UBR4: variants seen among roughly 807,000 people sequenced by gnomAD.
The protein encoded by UBR4 is E3 ubiquitin-protein ligase UBR4.
Under a neutral mutation model 575.6 loss-of-function variants are expected in UBR4, and 124 were observed. The ratio of observed to expected loss-of-function variants is 0.22; its 90% CI spans 0.19 to 0.25. The LOEUF (loss-of-function observed/expected upper bound fraction) is 0.25. Ranked by LOEUF, UBR4 falls within the 10% of genes least tolerant of loss-of-function variation. The pLI, the probability that UBR4 is intolerant of heterozygous loss-of-function variation, is 1.00. For missense variants in UBR4, 4,818 were observed against 6,478.8 expected (o/e 0.74, Z 8.80); for synonymous variants, 2,455 against 2,473.7 (o/e 0.99, Z 0.22).
At chr1:19,202,086 A>C (rs896929693) in intron 1 of UBR4, among the ~76,000 whole-genome samples, 22 of 152,034 alleles carry the variant, frequency 1.4e-4, no homozygotes, top group African/African-American at 5.3e-4. Context: ...TCAGCTCCTC[A>C]GGAGGCTGAG....
chr1:19,087,719 C>G, intron 99 of UBR4, 97 bp downstream of exon 99: 4 of 953,034 alleles, frequency 4.2e-6, no homozygotes, highest in Non-Finnish European at 6.4e-6. Flanking sequence ...TTGATCTTGC[C>G]TAGCTAAGAA....
At chr1:19,164,192 G>C in intron 33 of UBR4, 61 bp downstream of exon 33, 1 of 1,544,660 alleles carries the variant, frequency 6.5e-7, no homozygotes, top group South Asian at 1.3e-5. Context: ...GAGCTATAAA[G>C]AAAGTAACCC....
chr1:19,077,517 T>G (rs2148414177), intron 104 of UBR4, among the ~76,000 whole-genome samples: 1 of 152,190 alleles, frequency 6.6e-6, no homozygotes, highest in East Asian at 1.9e-4. Context: ...GCGGATCACC[T>G]GAGGTCAGGA....
intron 11 of UBR4, among the ~76,000 whole-genome samples, chr1:19,188,455 G>A (rs533718780): frequency 2.0e-5 from 3 of 152,224 alleles, no homozygotes; most frequent in South Asian, 4.1e-4. Flanking sequence ...CCAACAGGCC[G>A]GGGCAGAAGG....
At chr1:19,081,924 C>A in intron 102 of UBR4, 2 of 598,692 alleles carry the variant, frequency 3.3e-6, no homozygotes, top group Non-Finnish European at 6.0e-6. Flanking sequence ...CTCCAGAGGC[C>A]CAGAAAAGTG....
intron 93 of UBR4, among the ~76,000 whole-genome samples, chr1:19,095,228 C>CCA (rs1396280550): frequency 1.3e-5 from 2 of 152,128 alleles, no homozygotes; most frequent in Non-Finnish European, 2.9e-5. Flanking sequence ...CTTTGCTGCC[C>CCA]CAAGGAGAGG....
At position 19,175,017 on chromosome 1, in the gene UBR4, G is replaced by A. The variant is rs2090068757; in HGVS notation, c.2790C>T (p.Pro930=). The A allele has an allele frequency of 2.5e-6, 4 of 1,613,734 alleles. No homozygotes were observed. Among genetic ancestry groups the A allele is most frequent in the Non-Finnish European group, 3.4e-6 (4 of 1,179,866 alleles). Residue 930 remains proline, a synonymous_variant, in exon 21 of 106, where the codon CCC becomes CCT. Coordinates refer to ENST00000375254, the MANE Select transcript of UBR4 (RefSeq NM_020765.3). ...CTGGGGACAGGACACAGTAGAATCT[G>A]GGGTGTGGGACAGCATCTGAAAAGT... ...KHFSSDAVPH[P]RFYCVLSPEA...
rs148170475 is a variant in UBR4, at chr1:19,117,637, T to C, written c.10629+186A>G. Reference sequence around the variant, plus strand: ...TTAGCCTCCCAAAGTACTGGGATTATAGGCTTGAGCCACTGCACCCAGCCA... The same window carrying C: ...TTAGCCTCCCAAAGTACTGGGATTACAGGCTTGAGCCACTGCACCCAGCCA... On this transcript the variant is annotated intron_variant, in intron 72 of 105. Coordinates refer to ENST00000375254, the MANE Select transcript of UBR4 (RefSeq NM_020765.3). The surrounding 1 kb of genome is among the most constrained non-coding windows in gnomAD (Gnocchi z 4.0). Among the ~76,000 whole-genome samples, 42 of 152,306 alleles carry C rather than the reference T, an allele frequency of 2.8e-4. No individual in the cohort carries two copies. In the East Asian group the frequency reaches 6.9e-3, roughly 25 times the overall value.
Position 19,084,648 on chromosome 1 carries a change from T to C in UBR4, c.14864A>G (p.Gln4955Arg), listed in dbSNP as rs2076833354. The part of the protein sequence containing the change: ...ECTGQREPTY[Q>R]LNIHDIKLLF... ...CAGTTTGATGTCATGGATGTTGAGC[T>C]GATACGTGGGCTCCCGCTGGCCTGT... The change falls in exon 102 of 106, where the codon CAG becomes CGG. Residue 4955 changes from glutamine (Q) to arginine (R), a missense_variant. Gln to Arg is a conservative substitution (Grantham distance 43). Coordinates refer to ENST00000375254, the MANE Select transcript of UBR4 (RefSeq NM_020765.3). 1 of 1,613,942 alleles carries C rather than the reference T, an allele frequency of 6.2e-7. No individual in the cohort carries two copies. The highest frequency in any genetic ancestry group is 8.5e-7 in the Non-Finnish European group (1 of 1,179,958).
intron 17 of UBR4, among the ~76,000 whole-genome samples, chr1:19,182,167 T>C (rs2151167989): frequency 6.6e-6 from 1 of 152,354 alleles, no homozygotes; most frequent in East Asian, 1.9e-4. Flanking sequence ...ACATTCATTG[T>C]ATGGCTGGAT....
chr1:19,148,181 G>T, intron 50 of UBR4, 54 bp from the exon 51 acceptor site: 1 of 1,561,602 alleles, frequency 6.4e-7, no homozygotes, highest in South Asian at 1.2e-5. Context: ...AAGGCAGAAT[G>T]AACTATCTAC....
intron 26 of UBR4, 128 bp from the exon 27 acceptor site, chr1:19,169,660 G>A: frequency 1.6e-6 from 1 of 640,626 alleles, no homozygotes. Context: ...TAGTAAGATA[G>A]CTTAGATAGA....
At chr1:19,078,240 C>A in intron 103 of UBR4, 174 bp from the exon 104 acceptor site, 1 of 595,590 alleles carries the variant, frequency 1.7e-6, no homozygotes, top group Non-Finnish European at 2.9e-6. Flanking sequence ...CTCTGGAGCC[C>A]TGGGACCCAG....
intron 13 of UBR4, 124 bp downstream of exon 13, chr1:19,187,040 T>C (rs901999775): frequency 1.0e-5 from 8 of 779,400 alleles, no homozygotes; most frequent in Non-Finnish European, 1.1e-5. Context: ...ATAAAGGTCA[T>C]GGTGTGTAGT....
chr1:19,177,106 A>G lies in UBR4; in HGVS notation c.2637+355T>C, dbSNP rs897765987. Among the ~76,000 whole-genome samples, 23 of 152,192 alleles carry G rather than the reference A, an allele frequency of 1.5e-4. 1 individual carries two copies. Among genetic ancestry groups the G allele is most frequent in the African/African-American group, 5.3e-4 (22 of 41,456 alleles). On this transcript the variant is annotated intron_variant, in intron 19 of 105. Transcript: ENST00000375254. Reference sequence around the variant, plus strand: ...ATCCTTACAACAAAGGAATTTACCAATCCATAAAATTTACTACTTGACTGT... The same window carrying G: ...ATCCTTACAACAAAGGAATTTACCAGTCCATAAAATTTACTACTTGACTGT...
chr1:19,170,990 A>G, intron 25 of UBR4, 107 bp from the exon 26 acceptor site: 1 of 1,500,116 alleles, frequency 6.7e-7, no homozygotes, highest in Non-Finnish European at 9.0e-7. Context: ...TTTCCTATCT[A>G]TTTAATGTAG....
At chr1:19,162,277 G>T in intron 35 of UBR4, 143 bp downstream of exon 35, 1 of 953,706 alleles carries the variant, frequency 1.0e-6, no homozygotes, top group Non-Finnish European at 1.5e-6. Context: ...TGCTCTGAAG[G>T]CCTAGAAAAT....
Position 19,140,784 on chromosome 1 carries a change from T to C in UBR4, c.8593+4A>G, listed in dbSNP as rs1303663299. 1 of 1,612,372 alleles carries C rather than the reference T, an allele frequency of 6.2e-7. No homozygotes were observed. On this transcript the variant is annotated splice_donor_region_variant and intron_variant, in intron 58 of 105. Coordinates refer to ENST00000375254, the MANE Select transcript of UBR4 (RefSeq NM_020765.3). The stretch of plus-strand genomic sequence containing the variant: ...GAGCCGTGCTCCTTGCTGTGGACAG[T>C]TACCTGATGCTGTGGTGTCAGAGAG...
chr1:19,189,184 T>C (rs970337070), intron 11 of UBR4, among the ~76,000 whole-genome samples: 5 of 151,946 alleles, frequency 3.3e-5, no homozygotes, highest in East Asian at 1.9e-4. Flanking sequence ...ATGATGCCCA[T>C]TGTCAAAGAG....
Sources: gnomAD v4.1 joint callset for allele counts (sites outside exome capture counted in the v4.1 genomes callset) on GRCh38, gnomAD v4.1.1 for gene constraint, Gnocchi (gnomAD v3.1) non-coding constraint, MANE v1.5 for transcripts, NCBI Gene and HGNC (gene_info 2026-07-23, HGNC 2026-07-21) for gene names.